The following FAM135A variants were observed in gnomAD, a reference collection of about 807,000 sequenced individuals.
FAM135A encodes family with sequence similarity 135 member A.
A neutral mutation model predicts 146.8 loss-of-function variants in FAM135A; 79 were observed. The observed-to-expected ratio is 0.54, with a 90% CI of 0.45 to 0.65. The LOEUF (loss-of-function observed/expected upper bound fraction) is 0.65. Ranked by LOEUF, FAM135A falls within the 30% of genes least tolerant of loss-of-function variation. The probability of loss-of-function intolerance (pLI) is 0.00; values close to 1 mark genes in which losing one functional copy is unlikely to be tolerated. For missense variants in FAM135A, 1,623 were observed against 1,758.2 expected, an observed-to-expected ratio of 0.92 and a Z score of 1.38; for synonymous variants, 562 against 603.6, an observed-to-expected ratio of 0.93 and a Z score of 1.01.
chr6:70,500,958 G>A (rs1788360116), intron 11 of FAM135A, among the ~76,000 whole-genome samples: 1 of 152,220 alleles, frequency 6.6e-6, no homozygotes, highest in African/African-American at 2.4e-5. Context: ...AGGCACGGGG[G>A]TCAGGGACCC....
At chr6:70,472,044 G>C (rs1490356804) in intron 5 of FAM135A, among the ~76,000 whole-genome samples, 1 of 152,144 alleles carries the variant, frequency 6.6e-6, no homozygotes, top group Non-Finnish European at 1.5e-5. Context: ...TGTGCTGTCT[G>C]ATCACAGGAG....
chr6:70,453,125 G>C (rs551158233), intron 5 of FAM135A, among the ~76,000 whole-genome samples: 16 of 152,100 alleles, frequency 1.1e-4, no homozygotes, highest in African/African-American at 3.4e-4. Flanking sequence ...CATAATTAGT[G>C]GTCATTTTTC....
intron 4 of FAM135A, among the ~76,000 whole-genome samples, chr6:70,434,863 C>T (rs553244328): frequency 6.6e-6 from 1 of 152,100 alleles, no homozygotes; most frequent in South Asian, 2.1e-4. Context: ...TTGTTGGAGT[C>T]AGAAGTTGAA....
intron 11 of FAM135A, 39 bp downstream of exon 11, chr6:70,491,122 G>T: frequency 6.7e-7 from 1 of 1,488,732 alleles, no homozygotes; most frequent in South Asian, 1.2e-5. Context: ...CAAGTTATTT[G>T]AGTGGTTTCT....
intron 5 of FAM135A, among the ~76,000 whole-genome samples, chr6:70,458,347 G>T (rs1051747644): frequency 5.9e-5 from 9 of 151,950 alleles, no homozygotes; most frequent in Admixed American, 4.6e-4. Context: ...GACTTCTCAA[G>T]ATCTTTCATA....
intron 4 of FAM135A, among the ~76,000 whole-genome samples, chr6:70,441,924 C>T (rs951490795): frequency 6.6e-6 from 1 of 152,052 alleles, no homozygotes; most frequent in African/African-American, 2.4e-5. Context: ...ACCTCGTGAT[C>T]CACCTGCCTT....
At chr6:70,487,403 A>AT (rs1477610580) in intron 10 of FAM135A, among the ~76,000 whole-genome samples, 1 of 151,878 alleles carries the variant, frequency 6.6e-6, no homozygotes. Flanking sequence ...AACCATCACA[A>AT]TTTTTTAAAA....
chr6:70,415,933 A>G (rs1325069760), intron 2 of FAM135A, among the ~76,000 whole-genome samples: 1 of 152,238 alleles, frequency 6.6e-6, no homozygotes, highest in Non-Finnish European at 1.5e-5. Context: ...GGGCCACCGC[A>G]GACAAAAATT....
intron 5 of FAM135A, among the ~76,000 whole-genome samples, chr6:70,473,994 CA>C (rs1465435423): frequency 6.6e-6 from 1 of 152,206 alleles, no homozygotes; most frequent in Non-Finnish European, 1.5e-5. Flanking sequence ...ATACCTTACT[CA>C]AAGTCACCGC....
chr6:70,541,226 T>C lies in FAM135A; in HGVS notation c.4228+2825T>C, dbSNP rs73485161. The stretch of plus-strand genomic sequence containing the variant: ...ATAATAATAAATATTTCTGTTGATC[T>C]CTTATTCTGTACTTGTCCCCCTTTC... On this transcript the variant is annotated intron_variant, in intron 20 of 21. Transcript: ENST00000418814. 4.0e-3 allele frequency among the ~76,000 whole-genome samples: 613 copies of C among 152,292 alleles called. 3 individuals are homozygous for C. Among genetic ancestry groups the C allele is most frequent in the African/African-American group, 0.014 (593 of 41,564 alleles).
At chr6:70,538,139 A>T (rs2128426544) in intron 19 of FAM135A, 152 bp from the exon 20 acceptor site, 1 of 422,954 alleles carries the variant, frequency 2.4e-6, no homozygotes, top group East Asian at 3.7e-5. Context: ...GGAACATGGA[A>T]ATATTTTCCA....
intron 5 of FAM135A, among the ~76,000 whole-genome samples, chr6:70,471,329 A>G (rs916948572): frequency 5.9e-5 from 9 of 152,192 alleles, no homozygotes; most frequent in Non-Finnish European, 1.3e-4. Flanking sequence ...AAGTAAGGGG[A>G]TAATGAAAAG....
At chr6:70,546,623 A>G (rs1373556852) in intron 20 of FAM135A, among the ~76,000 whole-genome samples, 1 of 152,224 alleles carries the variant, frequency 6.6e-6, no homozygotes, top group African/African-American at 2.4e-5. Context: ...TGTATTTTTT[A>G]TAAAAATCAT....
intron 20 of FAM135A, among the ~76,000 whole-genome samples, chr6:70,552,181 C>G (rs1799938873): frequency 6.6e-6 from 1 of 152,098 alleles, no homozygotes; most frequent in Non-Finnish European, 1.5e-5. Context: ...AAACATCTGG[C>G]AAAATGTTAT....
chr6:70,465,172 C>T (rs76513668), intron 5 of FAM135A, among the ~76,000 whole-genome samples: 19,805 of 151,894 alleles, frequency 0.13, 1,532 homozygotes, highest in Middle Eastern at 0.19. Context: ...AGCATAATGT[C>T]CTTAAGGTTT....
chr6:70,442,190 A>G (rs887099136), intron 4 of FAM135A, among the ~76,000 whole-genome samples: 3 of 151,024 alleles, frequency 2.0e-5, no homozygotes, highest in African/African-American at 7.3e-5. Context: ...TCAAAATAAT[A>G]CTAACAACAT....
At position 70,525,836 on chromosome 6, in the gene FAM135A, A is replaced by G; in HGVS notation, c.2752A>G (p.Lys918Glu). ...AATACATTCCTTAAATTCAAGCATTAAAGACCCTTTACAATTTGTTTTTTC... is the reference window on the plus strand; with the variant it reads ...AATACATTCCTTAAATTCAAGCATTGAAGACCCTTTACAATTTGTTTTTTC... The part of the protein sequence containing the change: ...VAIHSLNSSI[K>E]DPLQFVFSDE... Residue 918 changes from lysine to glutamate, a missense_variant, in exon 15 of 22, where the codon AAA becomes GAA. Lys to Glu is a moderately conservative substitution (Grantham distance 56). Transcript: ENST00000418814. The G allele has an allele frequency of 6.2e-7, 1 of 1,612,218 alleles. No individual in the cohort carries two copies. Among genetic ancestry groups the G allele is most frequent in the Non-Finnish European group, 8.5e-7 (1 of 1,179,350 alleles).
chr6:70,429,633 T>C (rs1255471570), intron 4 of FAM135A, among the ~76,000 whole-genome samples: 1 of 152,198 alleles, frequency 6.6e-6, no homozygotes, highest in Non-Finnish European at 1.5e-5. Context: ...TGAAAGACTT[T>C]AATGTCTAGA....
At chr6:70,480,495 A>G (rs2128177316) in intron 8 of FAM135A, among the ~76,000 whole-genome samples, 1 of 152,282 alleles carries the variant, frequency 6.6e-6, no homozygotes, top group African/African-American at 2.4e-5. Flanking sequence ...CTACATTTAC[A>G]TGGGAGCTCT....
Sources: gnomAD v4.1 joint callset for allele counts (sites outside exome capture counted in the v4.1 genomes callset) on GRCh38, gnomAD v4.1.1 for gene constraint, MANE v1.5 for transcripts, NCBI Gene and HGNC (gene_info 2026-07-23, HGNC 2026-07-21) for gene names.